GRIN2A: variants seen among roughly 807,000 people sequenced by gnomAD.
GRIN2A encodes glutamate ionotropic receptor NMDA type subunit 2A, also known as glutamate receptor ionotropic, NMDA 2A.
GRIN2A carries 22 observed loss-of-function variants against 113.4 expected under a neutral mutation model. The ratio of observed to expected loss-of-function variants is 0.19; its 90% CI spans 0.14 to 0.28. GRIN2A has a LOEUF of 0.28. Ranked by LOEUF, GRIN2A falls within the 10% of genes least tolerant of loss-of-function variation. The pLI is 1.00. For missense variants in GRIN2A, 1,502 were observed against 1,887.0 expected, an observed-to-expected ratio of 0.80 and a Z score of 3.78; for synonymous variants, 827 against 738.4, an observed-to-expected ratio of 1.12 and a Z score of -1.94.
chr16:10,068,043 T>C (rs187984458), intron 2 of GRIN2A, among the ~76,000 whole-genome samples: 10 of 152,316 alleles, frequency 6.6e-5, no homozygotes, highest in Admixed American at 2.0e-4. Flanking sequence ...GTGGGATAGA[T>C]GAGATGAGAT....
chr16:9,990,561 GCGCACACACACACACACA>G (rs1162545281), intron 2 of GRIN2A, among the ~76,000 whole-genome samples: 4 of 128,678 alleles, frequency 3.1e-5, no homozygotes, highest in South Asian at 3.0e-4. Context: ...GCGCGCGCGC[GCGCACACACACACACACA>G]CACACACACA....
rs111371826 is a variant in GRIN2A at position 10,117,061 on chromosome 16, G to GA, written c.414+62936dup. ...AGGGAATATTCTAGCTCAAGTGACTGAAAAAAAAAAAAAAAGTAGCTAAGC... is the reference window on the plus strand; with the variant it reads ...AGGGAATATTCTAGCTCAAGTGACTGAAAAAAAAAAAAAAAAGTAGCTAAGC... On this transcript the variant is annotated intron_variant, in intron 2 of 12. Transcript: ENST00000330684. 4.0e-3 allele frequency among the ~76,000 whole-genome samples: 555 copies of GA among 139,818 alleles called. 2 individuals are homozygous for GA. Among genetic ancestry groups the GA allele is most frequent in the East Asian group, 0.017 (82 of 4,728 alleles). 91.7% of individuals were successfully genotyped at this position (139,818 alleles called of 152,430 possible). A position where few individuals can be genotyped will look rare whatever the true frequency, so the allele number is the denominator to read the frequency against.
intron 2 of GRIN2A, among the ~76,000 whole-genome samples, chr16:9,952,546 A>G (rs1474341205): frequency 6.6e-6 from 1 of 152,192 alleles, no homozygotes; most frequent in Non-Finnish European, 1.5e-5. Context: ...TCTGGCTCAC[A>G]ATGAGAAATA....
At chr16:10,025,014 AAAG>A (rs2046793774) in intron 2 of GRIN2A, among the ~76,000 whole-genome samples, 1 of 152,144 alleles carries the variant, frequency 6.6e-6, no homozygotes, top group Admixed American at 6.6e-5. Flanking sequence ...AGAGGAGAGA[AAAG>A]AAGAGGGAAG....
chr16:9,913,327 T>C (rs2141557533), intron 3 of GRIN2A, among the ~76,000 whole-genome samples: 1 of 152,342 alleles, frequency 6.6e-6, no homozygotes, highest in South Asian at 2.1e-4. Context: ...CATTCAAAAA[T>C]ATACATATAG....
chr16:9,776,894 G>A (rs1010650878), intron 11 of GRIN2A, among the ~76,000 whole-genome samples: 1 of 152,156 alleles, frequency 6.6e-6, no homozygotes, highest in East Asian at 1.9e-4. Context: ...AACAGACTTG[G>A]TCATTCTGAG....
intron 2 of GRIN2A, among the ~76,000 whole-genome samples, chr16:10,057,167 T>C (rs1345632221): frequency 6.6e-6 from 1 of 152,184 alleles, no homozygotes; most frequent in Non-Finnish European, 1.5e-5. Flanking sequence ...CCAAGTGTTG[T>C]TCTGTGTGCT....
chr16:9,963,337 C>T (rs1363210429), intron 2 of GRIN2A, among the ~76,000 whole-genome samples: 2 of 151,986 alleles, frequency 1.3e-5, no homozygotes, highest in Non-Finnish European at 2.9e-5. Context: ...CATAGGTATA[C>T]ACGTGCCATG....
intron 3 of GRIN2A, among the ~76,000 whole-genome samples, chr16:9,922,247 G>T (rs13330008): frequency 0.012 from 1,872 of 151,922 alleles, 40 homozygotes; most frequent in African/African-American, 0.043. Context: ...CAGCATCCCT[G>T]CCTGCTCTGA....
intron 2 of GRIN2A, among the ~76,000 whole-genome samples, chr16:10,140,448 C>G (rs985298948): frequency 1.3e-5 from 2 of 152,142 alleles, no homozygotes; most frequent in Non-Finnish European, 2.9e-5. Context: ...ACAGTCAAGA[C>G]TAGAATCCAA....
intron 3 of GRIN2A, among the ~76,000 whole-genome samples, chr16:9,911,492 G>C (rs2044137025): frequency 6.6e-6 from 1 of 152,176 alleles, no homozygotes; most frequent in Non-Finnish European, 1.5e-5. Context: ...CCTGTTTCTT[G>C]ATCAGTAAAA....
At chr16:9,796,940 G>T (rs897795770) in intron 11 of GRIN2A, among the ~76,000 whole-genome samples, 3 of 152,224 alleles carry the variant, frequency 2.0e-5, no homozygotes, top group Non-Finnish European at 4.4e-5. Context: ...GCCCTATGGA[G>T]AATTCAAAGA....
At chr16:9,817,248 G>A (rs2042202634) in intron 10 of GRIN2A, among the ~76,000 whole-genome samples, 1 of 152,094 alleles carries the variant, frequency 6.6e-6, no homozygotes. Context: ...TAGTGTGTTG[G>A]ACTTCTAAAA....
intron 2 of GRIN2A, among the ~76,000 whole-genome samples, chr16:10,088,419 C>T (rs2048121838): frequency 6.6e-6 from 1 of 152,108 alleles, no homozygotes; most frequent in African/African-American, 2.4e-5. Flanking sequence ...GAGTGCTGGC[C>T]CCTGGCTGCG....
intron 2 of GRIN2A, among the ~76,000 whole-genome samples, chr16:9,989,218 A>T (rs1209096172): frequency 6.6e-6 from 1 of 151,950 alleles, no homozygotes; most frequent in African/African-American, 2.4e-5. Flanking sequence ...CAGAATACAG[A>T]CCCCCTAAAA....
chr16:9,839,348 T>C (rs1284213683), intron 7 of GRIN2A, among the ~76,000 whole-genome samples: 3 of 151,828 alleles, frequency 2.0e-5, no homozygotes, highest in Admixed American at 2.0e-4. Flanking sequence ...GAAAAGCAGA[T>C]GATAGAAAAC....
intron 2 of GRIN2A, among the ~76,000 whole-genome samples, chr16:10,101,451 G>A (rs1417505299): frequency 3.3e-5 from 5 of 152,336 alleles, no homozygotes; most frequent in South Asian, 2.1e-4. Flanking sequence ...TCCGAGCGCC[G>A]TGGAAGAGAA....
chr16:10,147,975 G>C (rs544983616), intron 2 of GRIN2A, among the ~76,000 whole-genome samples: 4 of 152,134 alleles, frequency 2.6e-5, no homozygotes, highest in Admixed American at 6.5e-5. Flanking sequence ...CTCATTCCTT[G>C]TCCTACCAGC....
At chr16:9,825,540 C>A (rs550594813) in intron 9 of GRIN2A, among the ~76,000 whole-genome samples, 1 of 152,250 alleles carries the variant, frequency 6.6e-6, no homozygotes, top group South Asian at 2.1e-4. Flanking sequence ...AAAAATGCAG[C>A]AATTAACCAA....
Sources: allele counts gnomAD v4.1 joint callset (sites outside exome capture counted in the v4.1 genomes callset), GRCh38; gene constraint gnomAD v4.1.1; transcripts MANE v1.5; gene names NCBI Gene and HGNC (gene_info 2026-07-23, HGNC 2026-07-21).